BMAL2: variants seen among roughly 807,000 people sequenced by gnomAD.
BMAL2 encodes the protein basic helix-loop-helix ARNT-like protein 2.
the BMAL2 span, among the ~76,000 whole-genome samples, chr12:27,419,259 C>T: frequency 6.6e-6 from 1 of 152,124 alleles, no homozygotes; most frequent in Non-Finnish European, 1.5e-5. Flanking sequence ...TAACAGAATA[C>T]CACAGATGGA....
At chr12:27,370,526 T>C in the BMAL2 span, among the ~76,000 whole-genome samples, 3 of 152,222 alleles carry the variant, frequency 2.0e-5, no homozygotes, top group Non-Finnish European at 4.4e-5. Context: ...TGGATCTTTT[T>C]AAAAAGGAAA....
At chr12:27,332,945 A>ACCCGGCAGGG in the BMAL2 span, 1 of 660,222 alleles carries the variant, frequency 1.5e-6, no homozygotes, top group Non-Finnish European at 2.0e-6. Flanking sequence ...CCGCCGCGGC[A>ACCCGGCAGGG]CCCGGCAGGG....
the BMAL2 span, among the ~76,000 whole-genome samples, chr12:27,409,618 G>T: frequency 2.6e-5 from 4 of 152,176 alleles, no homozygotes; most frequent in African/African-American, 9.7e-5. Context: ...AGACTTACAT[G>T]TTAGACCTAA....
At chr12:27,407,885 GAT>G in the BMAL2 span, among the ~76,000 whole-genome samples, 1 of 152,058 alleles carries the variant, frequency 6.6e-6, no homozygotes. Context: ...GAATCAAATA[GAT>G]GCAATAAAAA....
At chr12:27,360,261 A>G in the BMAL2 span, among the ~76,000 whole-genome samples, 23 of 152,278 alleles carry the variant, frequency 1.5e-4, no homozygotes, top group South Asian at 3.5e-3. Flanking sequence ...CAAGAAAGAC[A>G]AAAGAAGCCT....
chr12:27,369,982 C>A, the BMAL2 span: 102 of 623,322 alleles, frequency 1.6e-4, no homozygotes, highest in African/African-American at 1.6e-3. Flanking sequence ...ATGCCTGATT[C>A]CAGATGTGGT....
the BMAL2 span, chr12:27,387,184 GAC>G: frequency 1.5e-6 from 2 of 1,349,608 alleles, no homozygotes; most frequent in Non-Finnish European, 2.1e-6. Flanking sequence ...GTGTATAAGA[GAC>G]AGACAATATT....
At chr12:27,386,704 A>G in the BMAL2 span, among the ~76,000 whole-genome samples, 1 of 152,048 alleles carries the variant, frequency 6.6e-6, no homozygotes, top group African/African-American at 2.4e-5. Context: ...ATCTCGGCTC[A>G]CTGCACCCTC....
chr12:27,387,919 A>G, the BMAL2 span, among the ~76,000 whole-genome samples: 6 of 152,188 alleles, frequency 3.9e-5, no homozygotes, highest in South Asian at 8.3e-4. Flanking sequence ...CTCACATTAG[A>G]TTATAAGGGT....
chr12:27,362,124 G>A, the BMAL2 span, among the ~76,000 whole-genome samples: 2 of 152,122 alleles, frequency 1.3e-5, no homozygotes, highest in East Asian at 1.9e-4. Context: ...AATGGTTGAG[G>A]GTCTGGTATT....
the BMAL2 span, chr12:27,420,250 A>C: frequency 1.3e-5 from 12 of 935,240 alleles, no homozygotes; most frequent in East Asian, 3.1e-4. Context: ...CTTAAGATAT[A>C]TACTTTGCCT....
At chr12:27,390,707 C>T in the BMAL2 span, among the ~76,000 whole-genome samples, 1 of 152,164 alleles carries the variant, frequency 6.6e-6, no homozygotes, top group South Asian at 2.1e-4. Context: ...CATTTGTTTT[C>T]TTATGATCCT....
chr12:27,393,662 G>A, the BMAL2 span, among the ~76,000 whole-genome samples: 1 of 152,166 alleles, frequency 6.6e-6, no homozygotes, highest in African/African-American at 2.4e-5. Flanking sequence ...AAATGATTGG[G>A]ATAAACCTGA....
At chr12:27,380,971 C>A in the BMAL2 span, among the ~76,000 whole-genome samples, 1 of 136,576 alleles carries the variant, frequency 7.3e-6, no homozygotes, top group South Asian at 2.6e-4. Flanking sequence ...GGGTGACAGC[C>A]TGTCTCAGAA....
the BMAL2 span, among the ~76,000 whole-genome samples, chr12:27,390,988 A>G: frequency 6.6e-6 from 1 of 152,296 alleles, no homozygotes; most frequent in Admixed American, 6.5e-5. Context: ...GTAATTGCTA[A>G]TACTCATTTA....
At chr12:27,373,832 C>CTGTAA in the BMAL2 span, among the ~76,000 whole-genome samples, 2 of 152,144 alleles carry the variant, frequency 1.3e-5, no homozygotes, top group African/African-American at 4.8e-5. Flanking sequence ...AATTCTATTA[C>CTGTAA]TGTAATGTAA....
chr12:27,420,013 G>GCA, the BMAL2 span, among the ~76,000 whole-genome samples: 4 of 66,568 alleles, frequency 6.0e-5, no homozygotes, highest in African/African-American at 2.3e-4. Context: ...TCCAGGGTTT[G>GCA]CGCGTGCACA....
chr12:27,336,239 G>T, the BMAL2 span, among the ~76,000 whole-genome samples: 1 of 152,110 alleles, frequency 6.6e-6, no homozygotes. Flanking sequence ...CAGGAGGCAA[G>T]GGCACCTGAG....
the BMAL2 span, among the ~76,000 whole-genome samples, chr12:27,378,355 A>G: frequency 6.6e-6 from 1 of 152,228 alleles, no homozygotes; most frequent in Non-Finnish European, 1.5e-5. Context: ...TAGAGAGAGC[A>G]GTGATTAATC....
Sources: allele counts gnomAD v4.1 joint callset (sites outside exome capture counted in the v4.1 genomes callset), GRCh38; gene constraint gnomAD v4.1.1; transcripts MANE v1.5; gene names NCBI Gene and HGNC (gene_info 2026-07-23, HGNC 2026-07-21).